Variants in PDE10A observed in about 807,000 individuals in gnomAD.
The protein encoded by PDE10A is cAMP and cAMP-inhibited cGMP 3',5'-cyclic phosphodiesterase 10A.
A neutral mutation model predicts 97.7 loss-of-function variants in PDE10A; 39 were observed. The ratio of observed to expected loss-of-function variants is 0.40; its 90% confidence interval spans 0.31 to 0.52. PDE10A has a LOEUF of 0.52. Ranked by LOEUF, PDE10A falls within the 20% of genes least tolerant of loss-of-function variation. PDE10A has a pLI of 0.56. For missense variants in PDE10A, 731 were observed against 1,047.8 expected, an observed-to-expected ratio of 0.70 and a Z score of 4.17; for synonymous variants, 371 against 376.8, an observed-to-expected ratio of 0.98 and a Z score of 0.18.
rs1021721675 is a variant in PDE10A, at chr6:165,329,065, T to C, written c.*3960A>G. On this transcript the variant is annotated 3_prime_UTR_variant, in exon 22 of 22. Transcript: ENST00000539869. ...GAAGAGATCCACTATAGTGACTAAATGAATATAGTCTTTAAAGAATTAAAT... is the reference window on the plus strand; with the variant it reads ...GAAGAGATCCACTATAGTGACTAAACGAATATAGTCTTTAAAGAATTAAAT... The C allele has an allele frequency of 3.9e-5, 6 of 152,340 alleles. No individual in the cohort carries two copies. Among genetic ancestry groups the C allele is most frequent in the Middle Eastern group, 3.4e-3 (1 of 294 alleles). 9.4% of individuals were successfully genotyped at this position (152,340 alleles called of 1,614,324 possible). A position where few individuals can be genotyped will look rare whatever the true frequency, so the allele number is the denominator to read the frequency against.
chr6:165,553,195 G>C (rs1562574841), intron 1 of PDE10A, among the ~76,000 whole-genome samples: 1 of 152,104 alleles, frequency 6.6e-6, no homozygotes, highest in East Asian at 1.9e-4. Context: ...TACTGATTAA[G>C]AGATAGATAG....
intron 2 of PDE10A, among the ~76,000 whole-genome samples, chr6:165,533,686 C>G (rs1318949874): frequency 6.6e-6 from 1 of 152,094 alleles, no homozygotes; most frequent in Non-Finnish European, 1.5e-5. Context: ...AATAATTATT[C>G]AACCTTAGGT....
intron 18 of PDE10A, among the ~76,000 whole-genome samples, chr6:165,378,087 A>G (rs1013854721): frequency 1.3e-5 from 2 of 152,234 alleles, no homozygotes; most frequent in Non-Finnish European, 2.9e-5. Flanking sequence ...TGCTTATCCA[A>G]AAGCATCAAT....
chr6:165,521,761 G>A (rs1044311249), intron 2 of PDE10A, among the ~76,000 whole-genome samples: 4 of 152,236 alleles, frequency 2.6e-5, no homozygotes, highest in Non-Finnish European at 4.4e-5. Flanking sequence ...AAGGAAAGAC[G>A]CCATCTCCAC....
chr6:165,851,334 G>A (rs1780566966), intron 1 of PDE10A, among the ~76,000 whole-genome samples: 1 of 152,204 alleles, frequency 6.6e-6, no homozygotes, highest in African/African-American at 2.4e-5. Flanking sequence ...CTGTTATTCT[G>A]AATGTTCTCC....
intron 1 of PDE10A, among the ~76,000 whole-genome samples, chr6:165,766,808 A>G (rs2128459111): frequency 6.6e-6 from 1 of 152,356 alleles, no homozygotes; most frequent in South Asian, 2.1e-4. Flanking sequence ...AAATGTGTTT[A>G]GTAGTTTGCC....
At chr6:165,796,811 C>A (rs12529266) in intron 1 of PDE10A, among the ~76,000 whole-genome samples, 8,486 of 152,212 alleles carry the variant, frequency 0.056, 305 homozygotes, top group South Asian at 0.098. Context: ...CTCACACCAG[C>A]CCCAGCCCCA....
chr6:165,383,661 A>C (rs1785071400), intron 17 of PDE10A, among the ~76,000 whole-genome samples: 1 of 152,146 alleles, frequency 6.6e-6, no homozygotes, highest in African/African-American at 2.4e-5. Context: ...TGGGCCTGTG[A>C]GTCCAGAGGT....
intron 1 of PDE10A, among the ~76,000 whole-genome samples, chr6:165,730,420 T>C (rs905247584): frequency 2.0e-5 from 3 of 152,134 alleles, no homozygotes; most frequent in Admixed American, 6.5e-5. Flanking sequence ...TCCTGAATCA[T>C]AGCATGCATA....
At chr6:165,735,278 G>A (rs1339553902) in intron 1 of PDE10A, among the ~76,000 whole-genome samples, 4 of 151,710 alleles carry the variant, frequency 2.6e-5, no homozygotes, top group African/African-American at 9.7e-5. Flanking sequence ...TAGTAGGTCA[G>A]TTGGTAGGTA....
chr6:165,375,183 A>G (rs1447153635), intron 18 of PDE10A, among the ~76,000 whole-genome samples: 1 of 152,222 alleles, frequency 6.6e-6, no homozygotes, highest in Non-Finnish European at 1.5e-5. Context: ...CTCACTTTAA[A>G]TCAAAAGCTA....
intron 1 of PDE10A, among the ~76,000 whole-genome samples, chr6:165,559,205 T>C (rs1042823938): frequency 3.9e-5 from 6 of 152,182 alleles, no homozygotes; most frequent in African/African-American, 1.4e-4. Flanking sequence ...TGTTTTGGTT[T>C]GGGATCTGCT....
intron 1 of PDE10A, among the ~76,000 whole-genome samples, chr6:165,654,672 G>A (rs773234958): frequency 1.4e-4 from 22 of 152,192 alleles, no homozygotes; most frequent in Middle Eastern, 6.8e-3. Context: ...GCAGAAAAAG[G>A]CAGCATCTAC....
At chr6:165,955,125 C>T (rs1256374299) in intron 1 of PDE10A, among the ~76,000 whole-genome samples, 1 of 152,108 alleles carries the variant, frequency 6.6e-6, no homozygotes, top group Non-Finnish European at 1.5e-5. Context: ...CACTGATCCA[C>T]ACGCGTAGAA....
intron 10 of PDE10A, among the ~76,000 whole-genome samples, chr6:165,427,998 T>C (rs942408134): frequency 6.6e-6 from 1 of 152,074 alleles, no homozygotes; most frequent in East Asian, 1.9e-4. Context: ...TCTTTTACTA[T>C]GTTAAATAAA....
intron 1 of PDE10A, among the ~76,000 whole-genome samples, chr6:165,651,095 C>A (rs939273900): frequency 2.6e-5 from 4 of 152,190 alleles, no homozygotes; most frequent in African/African-American, 9.7e-5. Context: ...AGCTACACCA[C>A]TTGATACTCC....
At chr6:165,985,151 A>T (rs1302516713) in intron 1 of PDE10A, among the ~76,000 whole-genome samples, 2 of 152,220 alleles carry the variant, frequency 1.3e-5, no homozygotes, top group Non-Finnish European at 2.9e-5. Flanking sequence ...CTGCCTACCT[A>T]TCCAGACTCA....
At chr6:165,982,758 G>A (rs1225739645) in intron 1 of PDE10A, among the ~76,000 whole-genome samples, 3 of 148,100 alleles carry the variant, frequency 2.0e-5, no homozygotes, top group Non-Finnish European at 3.1e-5. Flanking sequence ...ACAACTATTC[G>A]GGGTTTTCAT....
At chr6:165,900,788 C>T (rs754926222) in intron 1 of PDE10A, among the ~76,000 whole-genome samples, 5 of 152,240 alleles carry the variant, frequency 3.3e-5, no homozygotes, top group Non-Finnish European at 5.9e-5. Flanking sequence ...TAAAGGATAA[C>T]TGCAGCCTTC....
Sources: allele counts gnomAD v4.1 joint callset (sites outside exome capture counted in the v4.1 genomes callset), GRCh38; gene constraint gnomAD v4.1.1; transcripts MANE v1.5; gene names NCBI Gene and HGNC (gene_info 2026-07-23, HGNC 2026-07-21).